ALDH1L1: variants seen among roughly 807,000 people sequenced by gnomAD.
The protein encoded by ALDH1L1 is cytosolic 10-formyltetrahydrofolate dehydrogenase.
ALDH1L1 carries 68 observed loss-of-function variants against 101.1 expected under a neutral mutation model. The observed-to-expected ratio is 0.67, with a 90% CI of 0.55 to 0.82. ALDH1L1 has a LOEUF of 0.82. ALDH1L1 is among the 40% of genes least tolerant of loss of function. The pLI is 0.00. For missense variants in ALDH1L1, 1,087 were observed against 1,172.7 expected (o/e 0.93, Z 1.07); for synonymous variants, 486 against 470.8 (o/e 1.03, Z -0.42).
chr3:126,135,630 G>A lies in ALDH1L1; in HGVS notation c.1377C>T (p.Thr459=), dbSNP rs779781215. 19 of 1,580,454 alleles carry A rather than the reference G, an allele frequency of 1.2e-5. No individual in the cohort carries two copies. The highest frequency in any genetic ancestry group is 4.1e-5 in the African/African-American group (3 of 73,366). ...CTGCGGCCACTGCCTTGTCGACGTCGGTGACTTGGGCCAGGGATACCTGGC... is the reference window on the plus strand; with the variant it reads ...CTGCGGCCACTGCCTTGTCGACGTCAGTGACTTGGGCCAGGGATACCTGGC... ...VICQVSLAQV[T]DVDKAVAAAK... Residue 459 remains threonine (T), a synonymous_variant, in exon 12 of 23, where the codon ACC becomes ACT. Transcript: ENST00000393434.
intron 1 of ALDH1L1, among the ~76,000 whole-genome samples, chr3:126,173,490 C>A (rs2081319503): frequency 1.3e-5 from 2 of 151,882 alleles, no homozygotes; most frequent in Admixed American, 1.3e-4. Context: ...AAAATGGAAT[C>A]ATATAAAATG....
intron 7 of ALDH1L1, chr3:126,152,651 C>CGG: frequency 6.4e-6 from 1 of 155,786 alleles, no homozygotes; most frequent in Admixed American, 6.4e-5. Context: ...GGGAAGATCC[C>CGG]TGCCTGCCCT....
At chr3:126,175,992 G>A (rs1194779725) in intron 1 of ALDH1L1, among the ~76,000 whole-genome samples, 1 of 152,136 alleles carries the variant, frequency 6.6e-6, no homozygotes, top group Admixed American at 6.5e-5. Flanking sequence ...TGCCAAAGTT[G>A]CTGGATGTAA....
At position 126,107,214 on chromosome 3, in the gene ALDH1L1, C is replaced by T. The variant is rs4646749; in HGVS notation, c.2380G>A (p.Val794Met). 2.5e-4 allele frequency: 400 copies of T among 1,614,036 alleles called. No individual in the cohort carries two copies. The highest frequency in any genetic ancestry group is 3.2e-4 in the Non-Finnish European group (376 of 1,180,030). ...FFFEPTVFTD[V>M]EDHMFIAKEE... ...TTGGCTATGAACATGTGGTCTTCCA[C>T]GTCTGTGAAAACAGTTGGCTCAAAG... Residue 794 changes from valine (V) to methionine (M), a missense_variant, in exon 21 of 23, where the codon GTG becomes ATG. Physicochemically the swap from Val to Met is conservative, Grantham distance 21 (BLOSUM62 1). Around this residue, in one of 2 missense-constraint regions of ALDH1L1, gnomAD observed 442 missense variants for 535.7 expected, o/e 0.83. Transcript: ENST00000393434.
At chr3:126,190,810 C>A (rs1395096976) in intron 1 of ALDH1L1, among the ~76,000 whole-genome samples, 1 of 152,154 alleles carries the variant, frequency 6.6e-6, no homozygotes, top group Non-Finnish European at 1.5e-5. Flanking sequence ...GAGAAGCCCC[C>A]TTTGTTTCCA....
Position 126,154,557 on chromosome 3 carries a change from T to C in ALDH1L1, c.717A>G (p.Glu239=). Reference sequence around the variant, plus strand: ...TTCCAGCCATGCAGGGACACACCTGTTCACAGGCCTCTGTCCAGGCTCCCG... The same window carrying C: ...TTCCAGCCATGCAGGGACACACCTGCTCACAGGCCTCTGTCCAGGCTCCCG... ...KVPGAWTEAC[E]QKLTFFNSTL... The change falls in exon 6 of 23, where the codon GAA becomes GAG. Residue 239 remains glutamate (E), a synonymous_variant. Coordinates refer to ENST00000393434, the MANE Select transcript of ALDH1L1 (RefSeq NM_012190.4). The C allele has an allele frequency of 1.2e-6, 2 of 1,614,150 alleles. No homozygotes were observed. Among genetic ancestry groups the C allele is most frequent in the Non-Finnish European group, 1.7e-6 (2 of 1,180,000 alleles).
rs781086978 is a variant in ALDH1L1, at chr3:126,155,436, G to C, written c.596C>G (p.Thr199Ser). The C allele has an allele frequency of 1.2e-6, 2 of 1,613,188 alleles. No individual in the cohort carries two copies. Among genetic ancestry groups the C allele is most frequent in the Middle Eastern group, 1.6e-4 (1 of 6,082 alleles). The stretch of plus-strand genomic sequence containing the variant: ...CTCCTTCTTCTGAATCCCCTCATAG[G>C]TGGCTCCTTCCTCAGGCTGAGGGAG... Reference protein sequence around the residue: ...PRLPQPEEGATYEGIQKKETA... With the variant: ...PRLPQPEEGASYEGIQKKETA... Residue 199 changes from threonine to serine, a missense_variant, in exon 5 of 23, where the codon ACC becomes AGC. Thr to Ser is a moderately conservative substitution (Grantham distance 58, BLOSUM62 1). This residue lies in a region of ALDH1L1 where 645 missense variants were observed against 637.0 expected (regional missense o/e 1.01). Coordinates refer to ENST00000393434, the MANE Select transcript of ALDH1L1 (RefSeq NM_012190.4).
intron 10 of ALDH1L1, 76 bp downstream of exon 10, chr3:126,137,737 T>A: frequency 5.9e-6 from 9 of 1,537,416 alleles, no homozygotes; most frequent in Non-Finnish European, 7.9e-6. Flanking sequence ...AGGTTTCCCC[T>A]CTTGTCTTAT....
intron 17 of ALDH1L1, among the ~76,000 whole-genome samples, chr3:126,116,276 C>T (rs1010045742): frequency 2.0e-5 from 3 of 151,482 alleles, no homozygotes; most frequent in Non-Finnish European, 2.9e-5. Flanking sequence ...GCCAGGCTTT[C>T]TTTGTTGCCC....
At position 126,150,398 on chromosome 3, in the gene ALDH1L1, C is replaced by T. The variant is rs1183216504; in HGVS notation, c.984+8G>A. The T allele has an allele frequency of 2.6e-6, 4 of 1,550,474 alleles. No individual in the cohort carries two copies. The highest frequency in any genetic ancestry group is 3.5e-6 in the Non-Finnish European group (4 of 1,146,510). On this transcript the variant is annotated splice_region_variant and intron_variant, in intron 8 of 22. Transcript: ENST00000393434. ...CAACTGGATGGCAGCCCTGAAGTTG[C>T]CTCTTACCCGCACAGCCTCCGCAGT...
At chr3:126,155,762 T>C in intron 4 of ALDH1L1, 1 of 377,656 alleles carries the variant, frequency 2.6e-6, no homozygotes, top group Non-Finnish European at 4.7e-6. Flanking sequence ...ATATCTTAGA[T>C]GATTATATAA....
upstream of ALDH1L1, among the ~76,000 whole-genome samples, chr3:126,182,043 C>A (rs964008570): frequency 1.3e-5 from 2 of 152,244 alleles, no homozygotes; most frequent in African/African-American, 4.8e-5. Context: ...AATGCCATGA[C>A]TTCAGGGAAG....
At chr3:126,180,395 C>T in intron 1 of ALDH1L1, 81 bp downstream of exon 1, 2 of 950,824 alleles carry the variant, frequency 2.1e-6, no homozygotes, top group Non-Finnish European at 2.5e-6. Flanking sequence ...GCCCCTGGAG[C>T]CCCCGGAGCC....
upstream of ALDH1L1, chr3:126,181,057 C>T: frequency 4.6e-6 from 7 of 1,537,844 alleles, no homozygotes; most frequent in Non-Finnish European, 6.1e-6. Context: ...AGCTGCGCAT[C>T]CGGGTGGATA....
rs369327706 is a variant in ALDH1L1 at position 126,135,534 on chromosome 3, C to T, written c.1472+1G>A. 1.6e-4 allele frequency: 255 copies of T among 1,606,766 alleles called. 2 individuals carry two copies. Among genetic ancestry groups the T allele is most frequent in the African/African-American group, 1.3e-5 (1 of 74,750 alleles). On this transcript the variant is annotated splice_donor_variant, in intron 12 of 22. Transcript: ENST00000393434. LOFTEE classifies it high-confidence loss of function. ...CTGGCAGGTACATGTTGGGCTCCCA[C>T]CTGTACATCAGCCGGCCCCGGTCCC...
At chr3:126,117,904 C>T (rs1049011333) in intron 17 of ALDH1L1, 101 bp downstream of exon 17, 10 of 1,194,548 alleles carry the variant, frequency 8.4e-6, no homozygotes, top group Middle Eastern at 2.0e-4. Flanking sequence ...GTGGCTGTGC[C>T]CTGGAGCCTG....
chr3:126,138,293 ATT>A (rs144291000), intron 9 of ALDH1L1, among the ~76,000 whole-genome samples: 10,586 of 152,292 alleles, frequency 0.07, 473 homozygotes, highest in African/African-American at 0.12. Flanking sequence ...AATAATAATA[ATT>A]AGCAGATTAA....
Position 126,136,828 on chromosome 3 carries a change from C to G in ALDH1L1, c.1280G>C (p.Gly427Ala), listed in dbSNP as rs202198892. Residue 427 changes from glycine (G) to alanine (A), a missense_variant, in exon 11 of 23, where the codon GGG (glycine) becomes GCG (alanine). Gly to Ala is a moderately conservative substitution (Grantham distance 60, BLOSUM62 0). Coordinates refer to ENST00000393434, the MANE Select transcript of ALDH1L1 (RefSeq NM_012190.4). ...TVRMPHQLFI[G>A]GEFVDAEGAK... ...GCCCTCGGCATCCACGAACTCCCCC[C>G]CAATGAAGAGCTGGTGGGGCATGCG... 90 of 1,610,542 alleles carry G rather than the reference C, an allele frequency of 5.6e-5. 1 individual carries two copies. The East Asian group carries it at 8.3e-4, about 15-fold the overall frequency.
At chr3:126,131,659 T>C in intron 12 of ALDH1L1, 125 bp from the exon 13 acceptor site, 1 of 1,113,840 alleles carries the variant, frequency 9.0e-7, no homozygotes, top group Non-Finnish European at 1.2e-6. Flanking sequence ...CTCTCAGATG[T>C]GCGGACCTCC....
Sources: gnomAD v4.1 joint callset for allele counts (sites outside exome capture counted in the v4.1 genomes callset) on GRCh38, gnomAD v4.1.1 for gene constraint, gnomAD v4.1.1 regional missense constraint, MANE v1.5 for transcripts, NCBI Gene and HGNC (gene_info 2026-07-23, HGNC 2026-07-21) for gene names.